TEAD1: variants seen among roughly 807,000 people sequenced by gnomAD.
TEAD1 encodes transcriptional enhancer factor TEF-1.
Under a neutral mutation model 54.9 loss-of-function variants are expected in TEAD1, and 9 were observed. The ratio of observed to expected loss-of-function variants is 0.16; its 90% confidence interval spans 0.10 to 0.29. The LOEUF (loss-of-function observed/expected upper bound fraction) is 0.29. Among genes scored for constraint, TEAD1 ranks in the 10% least tolerant of loss-of-function variants. TEAD1 has a pLI of 1.00. For synonymous variants in TEAD1, 200 were observed against 187.8 expected (o/e 1.07, Z -0.53); for missense variants, 387 against 535.9 (o/e 0.72, Z 2.74).
intron 3 of TEAD1, among the ~76,000 whole-genome samples, chr11:12,782,511 G>T (rs61881361): frequency 6.6e-6 from 1 of 152,192 alleles, no homozygotes; most frequent in Admixed American, 6.5e-5. Flanking sequence ...AATGGGTATG[G>T]AGTTCTTTCT....
rs542720591 is a variant in TEAD1 at position 12,812,212 on chromosome 11, A to T, written c.202+47778A>T. ...AAAATTGCTTCCTGGGTTTATAGAG[A>T]TGGTAGGGGAAATGACCCTCTTGCC... is the stretch of plus-strand genomic sequence containing the variant. On this transcript the variant is annotated intron_variant, in intron 3 of 12. Coordinates refer to ENST00000527636, the MANE Select transcript of TEAD1 (RefSeq NM_021961.6). 2.0e-5 allele frequency among the ~76,000 whole-genome samples: 3 copies of T among 152,064 alleles called. No homozygotes were observed. The South Asian group carries it at 6.2e-4, about 32-fold the overall frequency.
At chr11:12,716,163 G>A (rs1368118407) in intron 2 of TEAD1, among the ~76,000 whole-genome samples, 1 of 152,068 alleles carries the variant, frequency 6.6e-6, no homozygotes, top group African/African-American at 2.4e-5. Context: ...AGGGGGAGCA[G>A]TCTGAACACT....
intron 10 of TEAD1, among the ~76,000 whole-genome samples, chr11:12,923,235 C>A (rs1021420130): frequency 6.6e-6 from 1 of 152,050 alleles, no homozygotes; most frequent in Non-Finnish European, 1.5e-5. Flanking sequence ...CTCCAGCTCT[C>A]CTGCCATCCT....
At chr11:12,888,997 A>G (rs932591635) in intron 9 of TEAD1, among the ~76,000 whole-genome samples, 2 of 152,154 alleles carry the variant, frequency 1.3e-5, no homozygotes, top group South Asian at 2.1e-4. Flanking sequence ...AGCTTCCCCA[A>G]GTTGGTGGTG....
intron 2 of TEAD1, among the ~76,000 whole-genome samples, chr11:12,731,462 A>G (rs1944423482): frequency 6.6e-6 from 1 of 152,178 alleles, no homozygotes; most frequent in African/African-American, 2.4e-5. Context: ...TTTTTTTAAA[A>G]AACTAAATTA....
chr11:12,829,053 C>T (rs1021619991), intron 3 of TEAD1, among the ~76,000 whole-genome samples: 10 of 152,092 alleles, frequency 6.6e-5, no homozygotes, highest in African/African-American at 1.4e-4. Flanking sequence ...TTAGCCCCCT[C>T]GCCCTTAAGA....
At chr11:12,755,670 C>T (rs1944969583) in intron 2 of TEAD1, among the ~76,000 whole-genome samples, 1 of 152,146 alleles carries the variant, frequency 6.6e-6, no homozygotes, top group South Asian at 2.1e-4. Context: ...AAATGTGTTT[C>T]CCGAGGTTAA....
intron 3 of TEAD1, among the ~76,000 whole-genome samples, chr11:12,834,005 G>A (rs1014809954): frequency 2.0e-5 from 3 of 152,166 alleles, no homozygotes; most frequent in African/African-American, 7.2e-5. Context: ...AATGTTTATG[G>A]AATTGAGTTG....
chr11:12,729,460 G>A (rs1176381809), intron 2 of TEAD1, among the ~76,000 whole-genome samples: 1 of 152,220 alleles, frequency 6.6e-6, no homozygotes, highest in Non-Finnish European at 1.5e-5. Context: ...GGTCTGTTAG[G>A]GTTCAGTGAG....
At chr11:12,676,984 C>CT (rs374979319) in intron 2 of TEAD1, among the ~76,000 whole-genome samples, 35 of 149,742 alleles carry the variant, frequency 2.3e-4, no homozygotes, top group African/African-American at 4.2e-4. Flanking sequence ...AATATTAGAA[C>CT]TTTTTTTTTT....
chr11:12,788,561 G>A (rs1354020784), intron 3 of TEAD1, among the ~76,000 whole-genome samples: 1 of 152,104 alleles, frequency 6.6e-6, no homozygotes, highest in Non-Finnish European at 1.5e-5. Flanking sequence ...TTGAAAAGAA[G>A]CAAAAATGAA....
At chr11:12,861,855 G>C (rs886819480) in intron 3 of TEAD1, among the ~76,000 whole-genome samples, 2 of 152,076 alleles carry the variant, frequency 1.3e-5, no homozygotes, top group Admixed American at 1.3e-4. Flanking sequence ...GCGTGATGGC[G>C]CACGCCTGTA....
At chr11:12,883,374 G>A (rs1948010337) in intron 9 of TEAD1, among the ~76,000 whole-genome samples, 1 of 152,196 alleles carries the variant, frequency 6.6e-6, no homozygotes, top group Non-Finnish European at 1.5e-5. Context: ...GGGAATACTT[G>A]AGTCAGAGAG....
chr11:12,841,234 A>G (rs1357813523), intron 3 of TEAD1, among the ~76,000 whole-genome samples: 1 of 152,164 alleles, frequency 6.6e-6, no homozygotes, highest in Non-Finnish European at 1.5e-5. Context: ...TACACCATGG[A>G]TAGAATGTAA....
intron 3 of TEAD1, among the ~76,000 whole-genome samples, chr11:12,773,454 CA>C (rs1194451917): frequency 1.3e-5 from 2 of 152,178 alleles, no homozygotes; most frequent in Non-Finnish European, 2.9e-5. Flanking sequence ...TGTTTATTTT[CA>C]TTGTGATAGG....
At chr11:12,879,288 A>G (rs978207785) in intron 5 of TEAD1, among the ~76,000 whole-genome samples, 2 of 152,080 alleles carry the variant, frequency 1.3e-5, no homozygotes, top group Non-Finnish European at 1.5e-5. Flanking sequence ...GGACGGTCCT[A>G]CCCCAGTCCA....
chr11:12,887,330 C>G (rs11828908), intron 9 of TEAD1, among the ~76,000 whole-genome samples: 5 of 151,982 alleles, frequency 3.3e-5, no homozygotes, highest in Non-Finnish European at 7.4e-5. Context: ...CTCCTGACCT[C>G]GTGATCTGCC....
At chr11:12,792,199 G>A (rs1036829338) in intron 3 of TEAD1, among the ~76,000 whole-genome samples, 2 of 152,078 alleles carry the variant, frequency 1.3e-5, no homozygotes, top group Non-Finnish European at 2.9e-5. Context: ...TTTTAAGGGA[G>A]ATTTCCCTCA....
At chr11:12,751,581 T>A (rs976957625) in intron 2 of TEAD1, among the ~76,000 whole-genome samples, 10 of 152,112 alleles carry the variant, frequency 6.6e-5, no homozygotes, top group Admixed American at 6.5e-4. Context: ...TTTATCTCCA[T>A]ATCCAGTGCT....
Sources: allele counts gnomAD v4.1 joint callset (sites outside exome capture counted in the v4.1 genomes callset), GRCh38; gene constraint gnomAD v4.1.1; transcripts MANE v1.5; gene names NCBI Gene and HGNC (gene_info 2026-07-23, HGNC 2026-07-21).